CDKL4: variants seen among roughly 807,000 people sequenced by gnomAD.
CDKL4 encodes cyclin dependent kinase like 4, also known as cyclin-dependent kinase-like 4.
In CDKL4, 44 loss-of-function variants were observed where a neutral mutation model predicts 42.0. The observed-to-expected ratio is 1.05, with a 90% CI of 0.82 to 1.35. CDKL4 has a LOEUF of 1.35. CDKL4 is among the 40% of genes most tolerant of loss of function. CDKL4 has a pLI of 0.00. For missense variants in CDKL4, 393 were observed against 369.9 expected (o/e 1.06, Z -0.51); for synonymous variants, 120 against 121.6 (o/e 0.99, Z 0.09).
chr2:39,233,914 T>G (rs1168762332), intron 1 of CDKL4, among the ~76,000 whole-genome samples: 2 of 4,516 alleles, frequency 4.4e-4, no homozygotes, highest in Admixed American at 1.5e-3. Flanking sequence ...TATTTTTACT[T>G]TTTTTTTTTT....
At chr2:39,201,874 T>G (rs904732604) in intron 5 of CDKL4, among the ~76,000 whole-genome samples, 1 of 152,072 alleles carries the variant, frequency 6.6e-6, no homozygotes, top group Non-Finnish European at 1.5e-5. Context: ...AGACTACACA[T>G]TGGGCACAGT....
At chr2:39,205,691 C>T (rs1256193493) in intron 4 of CDKL4, among the ~76,000 whole-genome samples, 4 of 132,958 alleles carry the variant, frequency 3.0e-5, no homozygotes, top group Admixed American at 9.3e-5. Flanking sequence ...ACCCGGGAGG[C>T]AGAGCTTGCG....
exon 3 of CDKL4, chr2:39,225,917 C>T (rs759928283): frequency 6.2e-7 from 1 of 1,611,400 alleles, no homozygotes; most frequent in Non-Finnish European, 8.5e-7. Flanking sequence ...CCTTTTTCTC[C>T]TGAACACCTC....
chr2:39,187,313 C>G (rs1675880697), intron 7 of CDKL4, among the ~76,000 whole-genome samples: 1 of 152,170 alleles, frequency 6.6e-6, no homozygotes, highest in African/African-American at 2.4e-5. Context: ...AAGTTCTTTA[C>G]AGCAGTGTGA....
At chr2:39,170,143 C>T in the CDKL4 span, among the ~76,000 whole-genome samples, 2 of 151,898 alleles carry the variant, frequency 1.3e-5, no homozygotes, top group Non-Finnish European at 2.9e-5. Flanking sequence ...AGATTACAGG[C>T]GTGCACCACC....
chr2:39,189,467 A>C (rs1199089794), intron 6 of CDKL4, among the ~76,000 whole-genome samples: 1 of 152,248 alleles, frequency 6.6e-6, no homozygotes, highest in Non-Finnish European at 1.5e-5. Flanking sequence ...AGACTGAAAA[A>C]GATGATGCGT....
intron 4 of CDKL4, among the ~76,000 whole-genome samples, chr2:39,209,017 C>T (rs992104519): frequency 3.0e-4 from 46 of 151,632 alleles, no homozygotes; most frequent in Non-Finnish European, 2.9e-5. Flanking sequence ...GTCATTTTTG[C>T]CAGCTGGGCA....
chr2:39,178,866 G>C (rs888757789), intron 9 of CDKL4: 1 of 1,478,024 alleles, frequency 6.8e-7, no homozygotes, highest in Non-Finnish European at 9.0e-7. Flanking sequence ...AGTCCTGTTG[G>C]AATCAGCATT....
At chr2:39,227,810 G>A (rs927653632) in intron 2 of CDKL4, among the ~76,000 whole-genome samples, 4 of 152,174 alleles carry the variant, frequency 2.6e-5, no homozygotes, top group Admixed American at 1.3e-4. Flanking sequence ...TCCTGTCTTT[G>A]GGTAGGTCAG....
In CDKL4 at chr2:39,195,532, T is replaced by C. The variant is rs573256115; in HGVS notation, c.455-5030A>G. Among the ~76,000 whole-genome samples the C allele has an allele frequency of 1.1e-4, 17 of 152,344 alleles. No individual in the cohort carries two copies. The South Asian group carries it at 3.5e-3, about 32-fold the overall frequency. On this transcript the variant is annotated intron_variant, in intron 5 of 9. Coordinates refer to ENST00000451199, the Ensembl canonical transcript of CDKL4. ...TAATGGGTGCAAAGTGGTATCTAAC[T>C]GTGGTTTTGATTTGCATATCCCTAA... is the stretch of plus-strand genomic sequence containing the variant.
chr2:39,179,499 A>G (rs1675315463), intron 8 of CDKL4, among the ~76,000 whole-genome samples, 178 bp from the exon 9 acceptor site: 1 of 152,234 alleles, frequency 6.6e-6, no homozygotes, highest in African/African-American at 2.4e-5. Context: ...TCCTACTTCA[A>G]AGTCTTTTGA....
At chr2:39,246,159 C>T (rs879289653), upstream of CDKL4, among the ~76,000 whole-genome samples, 2 of 152,192 alleles carry the variant, frequency 1.3e-5, no homozygotes, top group Non-Finnish European at 2.9e-5. Flanking sequence ...AGGTGACTCT[C>T]TTCTCCTTTT....
At chr2:39,226,876 C>T (rs1423526116) in intron 2 of CDKL4, among the ~76,000 whole-genome samples, 1 of 152,022 alleles carries the variant, frequency 6.6e-6, no homozygotes, top group Non-Finnish European at 1.5e-5. Context: ...AAGTGATGCT[C>T]ATGCCTTAGC....
At chr2:39,172,051 T>C (rs763857512), downstream of CDKL4, among the ~76,000 whole-genome samples, 4 of 152,002 alleles carry the variant, frequency 2.6e-5, no homozygotes, top group Non-Finnish European at 5.9e-5. Flanking sequence ...TGGTTCATGA[T>C]TGTAATGCCA....
At chr2:39,238,578 T>C (rs1053582460) in intron 1 of CDKL4, among the ~76,000 whole-genome samples, 1 of 152,042 alleles carries the variant, frequency 6.6e-6, no homozygotes, top group African/African-American at 2.4e-5. Flanking sequence ...AAAGAACAAA[T>C]TTAGAATATT....
chr2:39,244,002 C>G (rs368124384), upstream of CDKL4, among the ~76,000 whole-genome samples: 218 of 152,386 alleles, frequency 1.4e-3, 1 homozygote, highest in African/African-American at 4.9e-3. Flanking sequence ...GCCGCAGCGT[C>G]TCCCGGGCAA....
chr2:39,203,019 C>T (rs937645621), intron 5 of CDKL4, among the ~76,000 whole-genome samples: 14 of 152,124 alleles, frequency 9.2e-5, no homozygotes, highest in Admixed American at 9.2e-4. Context: ...TTGGAATTGC[C>T]ACAGTGGGTT....
downstream of CDKL4, among the ~76,000 whole-genome samples, chr2:39,173,597 C>G (rs1675057918): frequency 6.6e-6 from 1 of 152,108 alleles, no homozygotes; most frequent in African/African-American, 2.4e-5. Context: ...ATCACGAGGT[C>G]AGAAGATCGA....
chr2:39,229,707 A>G (rs1363534611), intron 1 of CDKL4, 119 bp from the exon 2 acceptor site: 1 of 451,326 alleles, frequency 2.2e-6, no homozygotes, highest in Non-Finnish European at 3.9e-6. Context: ...TTGGAAATCC[A>G]CTTAAAAATA....
Sources: allele counts gnomAD v4.1 joint callset (sites outside exome capture counted in the v4.1 genomes callset), GRCh38; gene constraint gnomAD v4.1.1; transcripts MANE v1.5; gene names NCBI Gene and HGNC (gene_info 2026-07-23, HGNC 2026-07-21).